ABL2: variants seen among roughly 807,000 people sequenced by gnomAD.
ABL2 encodes the protein tyrosine-protein kinase ABL2.
Under a neutral mutation model 107.7 loss-of-function variants are expected in ABL2, and 49 were observed. The ratio of observed to expected loss-of-function variants is 0.45; its 90% CI spans 0.36 to 0.58. ABL2 has a LOEUF of 0.58. Among genes scored for constraint, ABL2 ranks in the 20% least tolerant of loss-of-function variants. ABL2 has a pLI of 0.00. For missense variants in ABL2, 1,245 were observed against 1,457.0 expected, an observed-to-expected ratio of 0.85 and a Z score of 2.37; for synonymous variants, 549 against 548.6, an observed-to-expected ratio of 1.00 and a Z score of -0.01.
intron 1 of ABL2, among the ~76,000 whole-genome samples, chr1:179,150,801 G>C (rs1286710023): frequency 3.9e-5 from 6 of 152,074 alleles, no homozygotes; most frequent in Admixed American, 3.9e-4. Flanking sequence ...ATGAAAGAAA[G>C]TGTCAACGGA....
At position 179,109,054 on chromosome 1, in the gene ABL2, C is replaced by G. The variant is rs1281322678; in HGVS notation, c.2213G>C (p.Ser738Thr). 7.1e-7 allele frequency: 1 copy of G among 1,409,306 alleles called. No individual in the cohort carries two copies. The highest frequency in any genetic ancestry group is 9.9e-7 in the Non-Finnish European group (1 of 1,011,388). 87.3% of individuals were successfully genotyped at this position (1,409,306 alleles called of 1,614,324 possible). ...AGACCACCCACCCCCAGCAGTGCCA[C>G]TGCCCCCACCCCCACCACCGTCGTC... ...CNDDGGGGGG[S>T]GTAGGGWSGI... Residue 738 changes from serine to threonine, a missense_variant, in exon 12 of 12, where the codon AGT becomes ACT. By Grantham distance (58) the Ser-to-Thr change is moderately conservative (BLOSUM62 1). Transcript: ENST00000502732.
Position 179,130,726 on chromosome 1 carries a change from TTGTGTGTGTG to T in ABL2, c.391+575_391+584del, listed in dbSNP as rs10643666. 9.0e-3 allele frequency among the ~76,000 whole-genome samples: 1,286 copies of T among 142,806 alleles called. 41 individuals are homozygous for T. The highest frequency in any genetic ancestry group is 0.058 in the Admixed American group (835 of 14,302). 93.7% of individuals were successfully genotyped at this position (142,806 alleles called of 152,430 possible). A position where few individuals can be genotyped will look rare whatever the true frequency, so the allele number is the denominator to read the frequency against. ...CAAATAAAATCAATCATTATTGATT[TTGTGTGTGTG>T]TGTGTGTGTGTGTGTGTGTGTGTGT... On this transcript the variant is annotated intron_variant, in intron 3 of 11. Coordinates refer to ENST00000502732, the MANE Select transcript of ABL2 (RefSeq NM_007314.4).
chr1:179,143,113 G>A, intron 1 of ABL2: 1 of 1,574,124 alleles, frequency 6.4e-7, no homozygotes. Flanking sequence ...TCCATTCTCT[G>A]ACAAGCAATA....
rs1655697517 is a variant in ABL2, at chr1:179,126,098, T to C, written c.687+279A>G. Among the ~76,000 whole-genome samples the C allele has an allele frequency of 6.6e-6, 1 of 152,230 alleles. No individual in the cohort carries two copies. Among genetic ancestry groups the C allele is most frequent in the Admixed American group, 6.5e-5 (1 of 15,280 alleles). Reference sequence around the variant, plus strand: ...ACTGGGTGTATATTTGTGTACTGATTATAAGAACAGCTAACTTATAGAGCA... The same window carrying C: ...ACTGGGTGTATATTTGTGTACTGATCATAAGAACAGCTAACTTATAGAGCA... On this transcript the variant is annotated intron_variant, in intron 4 of 11. Coordinates refer to ENST00000502732, the MANE Select transcript of ABL2 (RefSeq NM_007314.4). This position sits in a 1 kb window ranked among gnomAD's most constrained non-coding sequence, Gnocchi z 4.4.
chr1:179,119,525 A>AC (rs1226352255), intron 6 of ABL2, among the ~76,000 whole-genome samples: 1 of 147,260 alleles, frequency 6.8e-6, no homozygotes, highest in Non-Finnish European at 1.5e-5. Flanking sequence ...AAACAAACAA[A>AC]AAAAAACACC....
At position 179,118,802 on chromosome 1, in the gene ABL2, A is replaced by T. The variant is rs765443489; in HGVS notation, c.1046-38T>A. 43 of 1,599,100 alleles carry T rather than the reference A, an allele frequency of 2.7e-5. No individual in the cohort carries two copies. In the South Asian group the frequency reaches 3.8e-4, roughly 14 times the overall value. Reference sequence around the variant, plus strand: ...CAATAGTGCTTGTTTTTATTAGTGTACATTCAAACACTCCAAACCACTTTG... The same window carrying T: ...CAATAGTGCTTGTTTTTATTAGTGTTCATTCAAACACTCCAAACCACTTTG... On this transcript the variant is annotated intron_variant, in intron 6 of 11. Transcript: ENST00000502732.
intron 1 of ABL2, among the ~76,000 whole-genome samples, chr1:179,215,546 TAAC>T (rs1662515305): frequency 6.6e-6 from 1 of 152,040 alleles, no homozygotes; most frequent in South Asian, 2.1e-4. Flanking sequence ...CCAGCCTGGC[TAAC>T]AACCCTTTCT....
intron 1 of ABL2, among the ~76,000 whole-genome samples, chr1:179,178,660 C>T (rs1660197090): frequency 6.6e-6 from 1 of 152,084 alleles, no homozygotes; most frequent in African/African-American, 2.4e-5. Flanking sequence ...GAGGCCAAGG[C>T]AGGTGGATCA....
chr1:179,133,315 G>C lies in ABL2; in HGVS notation c.217C>G (p.Pro73Ala), dbSNP rs1368682019. The C allele has an allele frequency of 2.5e-6, 4 of 1,613,818 alleles. No homozygotes were observed. The highest frequency in any genetic ancestry group is 1.3e-5 in the African/African-American group (1 of 74,806). The change falls in exon 2 of 12, where the codon CCA becomes GCA. Residue 73 changes from proline (P) to alanine (A), a missense_variant. Around this residue, in one of 3 missense-constraint regions of ABL2, gnomAD observed 164 missense variants for 143.7 expected, o/e 1.14. Transcript: ENST00000502732. ...GCAACATCTCAACATCTCTCACCTG[G>C]ACTACTGCCTCCAGTCTTGTCTCCC... ...FEGDKTGGSS[P>A]EALHRPYGCD...
chr1:179,184,575 G>T, intron 1 of ABL2: 3 of 455,556 alleles, frequency 6.6e-6, no homozygotes, highest in Non-Finnish European at 8.1e-6. Flanking sequence ...GAGAAGATGA[G>T]GAGGAGGAGG....
chr1:179,159,130 T>C (rs902861528), intron 1 of ABL2, among the ~76,000 whole-genome samples: 1 of 152,216 alleles, frequency 6.6e-6, no homozygotes, highest in African/African-American at 2.4e-5. Context: ...GTTAACAGCA[T>C]TTCTTCAGTT....
chr1:179,152,631 C>A (rs773934710), intron 1 of ABL2, among the ~76,000 whole-genome samples: 5 of 152,176 alleles, frequency 3.3e-5, no homozygotes, highest in African/African-American at 4.8e-5. Flanking sequence ...ATGTTCTTGA[C>A]ATTCAGACAA....
intron 1 of ABL2, among the ~76,000 whole-genome samples, chr1:179,228,740 G>A (rs954257051): frequency 6.6e-6 from 1 of 152,166 alleles, no homozygotes; most frequent in Admixed American, 6.5e-5. Context: ...ATTTGACACT[G>A]TCCACAGTTC....
Position 179,115,090 on chromosome 1 carries a change from A to T in ABL2, c.1409-60T>A, listed in dbSNP as rs575828665. 3.3e-5 allele frequency: 49 copies of T among 1,485,098 alleles called. 1 individual carries two copies. The Admixed American group carries it at 1.1e-3, about 33-fold the overall frequency. The allele number at this position is 1,485,098 out of a possible 1,614,324, so 92.0% of individuals were successfully genotyped here. A position where few individuals can be genotyped will look rare whatever the true frequency, so the allele number is the denominator to read the frequency against. ...CTTCTCCGATTATTTATTTTACATAATTAGGTGATTCTCTTTCATATTTTA... is the reference window on the plus strand; with the variant it reads ...CTTCTCCGATTATTTATTTTACATATTTAGGTGATTCTCTTTCATATTTTA... On this transcript the variant is annotated intron_variant, in intron 8 of 11. Coordinates refer to ENST00000502732, the MANE Select transcript of ABL2 (RefSeq NM_007314.4).
At chr1:179,136,534 C>T (rs909437825) in intron 1 of ABL2, among the ~76,000 whole-genome samples, 5 of 148,406 alleles carry the variant, frequency 3.4e-5, no homozygotes, top group Non-Finnish European at 6.0e-5. Flanking sequence ...GAGTCATCAC[C>T]ACTCCCTAAT....
At chr1:179,192,204 C>T (rs1405322699) in intron 1 of ABL2, among the ~76,000 whole-genome samples, 1 of 152,150 alleles carries the variant, frequency 6.6e-6, no homozygotes, top group Non-Finnish European at 1.5e-5. Context: ...TCTCACTCTA[C>T]CAAAGGTAGA....
intron 1 of ABL2, among the ~76,000 whole-genome samples, chr1:179,190,597 G>GGGGGT (rs1660948728): frequency 6.6e-6 from 1 of 152,046 alleles, no homozygotes; most frequent in Non-Finnish European, 1.5e-5. Flanking sequence ...CAGAGACGTG[G>GGGGGT]GGGGTGGGGT....
intron 1 of ABL2, among the ~76,000 whole-genome samples, chr1:179,190,993 G>GGC (rs781014424): frequency 1.1e-4 from 17 of 152,152 alleles, no homozygotes; most frequent in Non-Finnish European, 2.2e-4. Flanking sequence ...AAAAAGTAGA[G>GGC]GCAGCGATCC....
chr1:179,207,600 T>C (rs1662049073), intron 1 of ABL2, among the ~76,000 whole-genome samples: 1 of 152,242 alleles, frequency 6.6e-6, no homozygotes, highest in African/African-American at 2.4e-5. Flanking sequence ...GAATTTTACA[T>C]GTAATAATTC....
Sources: gnomAD v4.1 joint callset for allele counts (sites outside exome capture counted in the v4.1 genomes callset) on GRCh38, gnomAD v4.1.1 for gene constraint, gnomAD v4.1.1 regional missense constraint, Gnocchi (gnomAD v3.1) non-coding constraint, MANE v1.5 for transcripts, NCBI Gene and HGNC (gene_info 2026-07-23, HGNC 2026-07-21) for gene names.